The following SAMD8 variants were observed in gnomAD, a reference collection of about 807,000 sequenced individuals.
The protein encoded by SAMD8 is sterile alpha motif domain containing 8.
SAMD8 carries 20 observed loss-of-function variants against 42.0 expected under a neutral mutation model. The ratio of observed to expected loss-of-function variants is 0.48; its 90% CI spans 0.34 to 0.69. SAMD8 has a LOEUF of 0.69. SAMD8 is among the 30% of genes least tolerant of loss of function. SAMD8 has a pLI of 0.01. For synonymous variants in SAMD8, 162 were observed against 173.0 expected (o/e 0.94, Z 0.50); for missense variants, 328 against 511.6 (o/e 0.64, Z 3.46).
At chr10:75,153,987 G>C (rs1374484760) in intron 2 of SAMD8, among the ~76,000 whole-genome samples, 1 of 152,070 alleles carries the variant, frequency 6.6e-6, no homozygotes, top group Non-Finnish European at 1.5e-5. Context: ...GGCTGGTCTC[G>C]AACTCCTGAC....
At position 75,134,033 on chromosome 10, in the gene SAMD8, G is replaced by A. The variant is rs1379053701; in HGVS notation, c.-15-16481G>A. Among the ~76,000 whole-genome samples, 7 of 152,088 alleles carry A rather than the reference G, an allele frequency of 4.6e-5. No homozygotes were observed. The South Asian group carries it at 1.0e-3, about 23-fold the overall frequency. On this transcript the variant is annotated intron_variant, in intron 1 of 5. Coordinates refer to ENST00000542569, the MANE Select transcript of SAMD8 (RefSeq NM_001174156.2). ...GTGAATAGTGCTGCAGTGAACATAC[G>A]TGTGCATGCATCTTTATAATAGAAT...
chr10:75,133,050 C>G (rs1849308963), intron 1 of SAMD8, among the ~76,000 whole-genome samples: 1 of 152,014 alleles, frequency 6.6e-6, no homozygotes, highest in Non-Finnish European at 1.5e-5. Flanking sequence ...TCCTGATTGA[C>G]TGTTGGTGGA....
chr10:75,156,337 G>A (rs777360873), intron 2 of SAMD8, among the ~76,000 whole-genome samples: 1 of 152,114 alleles, frequency 6.6e-6, no homozygotes, highest in Non-Finnish European at 1.5e-5. Flanking sequence ...AGAATAATAC[G>A]AGCAAATAAA....
chr10:75,100,504 A>T (rs1002103774), intron 1 of SAMD8, among the ~76,000 whole-genome samples: 1 of 152,020 alleles, frequency 6.6e-6, no homozygotes, highest in Non-Finnish European at 1.5e-5. Context: ...GGTTTCTGAC[A>T]CCTGAGACTT....
At chr10:75,167,820 T>C (rs1382476435) in intron 3 of SAMD8, among the ~76,000 whole-genome samples, 1 of 152,134 alleles carries the variant, frequency 6.6e-6, no homozygotes, top group Non-Finnish European at 1.5e-5. Flanking sequence ...GTCAAACTTT[T>C]GGACTCAAGC....
At chr10:75,124,905 A>G (rs2134434661) in intron 1 of SAMD8, among the ~76,000 whole-genome samples, 1 of 151,770 alleles carries the variant, frequency 6.6e-6, no homozygotes, top group Non-Finnish European at 1.5e-5. Flanking sequence ...CTGGGAGTAT[A>G]AGCACATGCC....
At chr10:75,117,663 G>A (rs989267219) in intron 1 of SAMD8, among the ~76,000 whole-genome samples, 1 of 152,214 alleles carries the variant, frequency 6.6e-6, no homozygotes, top group African/African-American at 2.4e-5. Flanking sequence ...GTTGCAGTGA[G>A]CCGAGATTGC....
intron 2 of SAMD8, among the ~76,000 whole-genome samples, chr10:75,155,172 G>A (rs1840382104): frequency 6.6e-6 from 1 of 152,144 alleles, no homozygotes; most frequent in Admixed American, 6.6e-5. Context: ...GATTGTAGGT[G>A]TGAGCTACCA....
At chr10:75,111,597 C>T (rs2134409358), upstream of SAMD8, 5 of 1,250,946 alleles carry the variant, frequency 4.0e-6, no homozygotes, top group Non-Finnish European at 4.0e-6. Context: ...CGGCTCCCCG[C>T]CCCGGGCTCC....
At chr10:75,128,876 T>C (rs1849209465) in intron 1 of SAMD8, among the ~76,000 whole-genome samples, 1 of 152,176 alleles carries the variant, frequency 6.6e-6, no homozygotes, top group African/African-American at 2.4e-5. Context: ...TATTAATACA[T>C]GCATATAATT....
upstream of SAMD8, among the ~76,000 whole-genome samples, chr10:75,111,189 A>G (rs1169186733): frequency 6.6e-6 from 1 of 152,246 alleles, no homozygotes; most frequent in Non-Finnish European, 1.5e-5. Flanking sequence ...GCAATAAATT[A>G]TAACAATGAT....
chr10:75,151,190 T>A, intron 2 of SAMD8, 84 bp downstream of exon 2: 1 of 693,268 alleles, frequency 1.4e-6, no homozygotes, highest in Non-Finnish European at 2.2e-6. Flanking sequence ...AATTATATTG[T>A]TTCTTATTGT....
intron 1 of SAMD8, among the ~76,000 whole-genome samples, chr10:75,136,715 A>T (rs1181431729): frequency 1.3e-5 from 2 of 152,180 alleles, no homozygotes; most frequent in East Asian, 1.9e-4. Context: ...TGAGTTTGAG[A>T]ATGCGCCATC....
At chr10:75,109,686 A>G (rs1848716613), upstream of SAMD8, among the ~76,000 whole-genome samples, 1 of 152,182 alleles carries the variant, frequency 6.6e-6, no homozygotes, top group Non-Finnish European at 1.5e-5. Flanking sequence ...TGTCTGTTGG[A>G]TGAGTCTCTG....
chr10:75,158,072 T>C (rs1285276576), intron 2 of SAMD8, among the ~76,000 whole-genome samples: 1 of 151,560 alleles, frequency 6.6e-6, no homozygotes, highest in Non-Finnish European at 1.5e-5. Flanking sequence ...GGCAGGAGAA[T>C]TGCTTGAACC....
At chr10:75,119,216 G>A (rs569716994) in intron 1 of SAMD8, among the ~76,000 whole-genome samples, 11 of 151,740 alleles carry the variant, frequency 7.2e-5, no homozygotes, top group African/African-American at 2.7e-4. Context: ...GGAGTGCAGT[G>A]GTGCGATCTC....
chr10:75,150,322 C>A, intron 1 of SAMD8, 192 bp from the exon 2 acceptor site: 2 of 289,748 alleles, frequency 6.9e-6, no homozygotes, highest in Non-Finnish European at 1.0e-5. Context: ...GATCTTGCTA[C>A]GTGGCCCAGG....
At chr10:75,138,452 C>T (rs140125080) in intron 1 of SAMD8, among the ~76,000 whole-genome samples, 293 of 152,210 alleles carry the variant, frequency 1.9e-3, no homozygotes, top group African/African-American at 6.9e-3. Flanking sequence ...TGTGGTAGAA[C>T]ACATTTGGAT....
Position 75,181,686 on chromosome 10 carries a change from A to G in SAMD8, c.*4994A>G, listed in dbSNP as rs2132229767. 6.6e-6 allele frequency: 1 copy of G among 152,358 alleles called. No individual in the cohort carries two copies. Among genetic ancestry groups the G allele is most frequent in the African/African-American group, 2.4e-5 (1 of 41,590 alleles). The allele number at this position is 152,358 out of a possible 1,614,324, so 9.4% of individuals were successfully genotyped here. A position where few individuals can be genotyped will look rare whatever the true frequency, so the allele number is the denominator to read the frequency against. On this transcript the variant is annotated 3_prime_UTR_variant, in exon 6 of 6. Transcript: ENST00000542569. ...TCATTGTTACTTCAGGTCTCTTTCA[A>G]TCTGAAGAACTGGGTTGTCTGGAGA...
Sources: allele counts gnomAD v4.1 joint callset (sites outside exome capture counted in the v4.1 genomes callset), GRCh38; gene constraint gnomAD v4.1.1; transcripts MANE v1.5; gene names NCBI Gene and HGNC (gene_info 2026-07-23, HGNC 2026-07-21).